Variants in CEP44 observed in about 807,000 individuals in gnomAD.
CEP44 encodes the protein centrosomal protein of 44 kDa.
CEP44 carries 45 observed loss-of-function variants against 46.7 expected under a neutral mutation model. The ratio of observed to expected loss-of-function variants is 0.96; its 90% CI spans 0.76 to 1.24. The LOEUF is 1.24. Ranked by LOEUF, CEP44 falls within the 50% of genes most tolerant of loss-of-function variation. The pLI, the probability that CEP44 is intolerant of heterozygous loss-of-function variation, is 0.00. For synonymous variants in CEP44, 142 were observed against 146.0 expected (o/e 0.97, Z 0.20); for missense variants, 475 against 459.7 (o/e 1.03, Z -0.30).
rs1007042893 is a variant in CEP44 at position 174,294,033 on chromosome 4, A to G, written c.-147-3933A>G. 4.8e-4 allele frequency among the ~76,000 whole-genome samples: 72 copies of G among 149,862 alleles called. 1 individual carries two copies. The highest frequency in any genetic ancestry group is 1.9e-4 in the Non-Finnish European group (13 of 67,676). ...TTTGAGCCTCTTCATATTATTTACA[A>G]TCCATATATCCTCTTTTTTTTTTTT... On this transcript the variant is annotated intron_variant, in intron 1 of 11. Coordinates refer to ENST00000503780, the MANE Select transcript of CEP44 (RefSeq NM_001040157.3).
chr4:174,303,262 GTGTTTTTTT>G (rs527471450), intron 4 of CEP44, among the ~76,000 whole-genome samples: 12,246 of 151,982 alleles, frequency 0.081, 613 homozygotes, highest in South Asian at 0.22. Flanking sequence ...CTGATCTAGT[GTGTTTTTTT>G]TCATTTTACA....
intron 1 of CEP44, chr4:174,285,449 T>C (rs1323679766): frequency 6.6e-6 from 1 of 152,176 alleles, no homozygotes; most frequent in Non-Finnish European, 1.5e-5. Flanking sequence ...CTTGTATTAC[T>C]CTTCAAAATA....
chr4:174,321,690 C>A (rs1480946651), downstream of CEP44, among the ~76,000 whole-genome samples: 1 of 152,022 alleles, frequency 6.6e-6, no homozygotes, highest in Non-Finnish European at 1.5e-5. Context: ...ATATGGAAAG[C>A]AATTATTAGA....
At chr4:174,321,033 G>C (rs1232024901), downstream of CEP44, among the ~76,000 whole-genome samples, 1 of 152,002 alleles carries the variant, frequency 6.6e-6, no homozygotes, top group South Asian at 2.1e-4. Flanking sequence ...CTGAGAGATA[G>C]CAAAAAGATA....
In CEP44 at chr4:174,310,067, C is replaced by T; in HGVS notation, c.885+11C>T. On this transcript the variant is annotated intron_variant, in intron 8 of 11. Coordinates refer to ENST00000503780, the MANE Select transcript of CEP44 (RefSeq NM_001040157.3). This position sits in a 1 kb window ranked among gnomAD's most constrained non-coding sequence, Gnocchi z 4.2. Reference sequence around the variant, plus strand: ...CTTTTGTCTAAAAAGGTATTTTCCTCCTTTAACATTTATAAAATATCTCAG... The same window carrying T: ...CTTTTGTCTAAAAAGGTATTTTCCTTCTTTAACATTTATAAAATATCTCAG... 1 of 1,598,910 alleles carries T rather than the reference C, an allele frequency of 6.3e-7. No homozygotes were observed. Among genetic ancestry groups the T allele is most frequent in the Non-Finnish European group, 8.5e-7 (1 of 1,174,034 alleles).
rs192241939 is a variant in CEP44 at position 174,307,433 on chromosome 4, T to C, written c.508-1256T>C. 1.1e-3 allele frequency among the ~76,000 whole-genome samples: 171 copies of C among 152,232 alleles called. 2 individuals carry two copies. The East Asian group carries it at 0.026, about 23-fold the overall frequency. On this transcript the variant is annotated intron_variant, in intron 6 of 11. Coordinates refer to ENST00000503780, the MANE Select transcript of CEP44 (RefSeq NM_001040157.3). ...TATGCAGAAGATTGAAACTAGACCC[T>C]TTCCTTACACCATACACAAAAATCA...
chr4:174,326,752 TA>T lies in CEP44; in HGVS notation c.1087-4729del, dbSNP rs1742696871. Among the ~76,000 whole-genome samples the T allele has an allele frequency of 6.6e-6, 1 of 152,072 alleles. No individual in the cohort carries two copies. Among genetic ancestry groups the T allele is most frequent in the African/African-American group, 2.4e-5 (1 of 41,452 alleles). On this transcript the variant is annotated intron_variant, in intron 8 of 8. Coordinates refer to the CEP44 transcript ENST00000426172. This position sits in a 1 kb window ranked among gnomAD's most constrained non-coding sequence, Gnocchi z 4.8. ...CATTTTCAAATGAAGGATACAATTTTAGGTGAATAGGGATTTTTGGTTTTTT... is the reference window on the plus strand; with the variant it reads ...CATTTTCAAATGAAGGATACAATTTTGGTGAATAGGGATTTTTGGTTTTTT...
Position 174,316,538 on chromosome 4 carries a change from A to C in CEP44, c.1095A>C (p.Thr365=), listed in dbSNP as rs754674695. 2 of 1,587,930 alleles carry C rather than the reference A, an allele frequency of 1.3e-6. No homozygotes were observed. The highest frequency in any genetic ancestry group is 1.7e-6 in the Non-Finnish European group (2 of 1,165,968). ...CGLNEISEET[T]IQKMERMKKM... The stretch of plus-strand genomic sequence containing the variant: ...TGCTTTTTAAATTAAAGGAAACAAC[A>C]ATCCAGAAAATGGAAAGGATGAAAA... The change falls in exon 11 of 12, where the codon ACA becomes ACC. Residue 365 remains threonine (T), a synonymous_variant. Transcript: ENST00000503780.
At position 174,309,859 on chromosome 4, in the gene CEP44, G is replaced by T; in HGVS notation, c.688G>T (p.Val230Phe). 1 of 1,599,940 alleles carries T rather than the reference G, an allele frequency of 6.3e-7. No individual in the cohort carries two copies. Among genetic ancestry groups the T allele is most frequent in the Non-Finnish European group, 8.6e-7 (1 of 1,168,854 alleles). ...EIKAEQQDVN[V>F]NPEITALQTM... The stretch of plus-strand genomic sequence containing the variant: ...TCTCTAACCTTTTTAGGATGTAAAT[G>T]TTAATCCTGAGATTACTGCACTACA... The change falls in exon 8 of 12, where the codon GTT becomes TTT. Residue 230 changes from valine (V) to phenylalanine (F), a missense_variant. Val to Phe is a conservative substitution (Grantham distance 50). Coordinates refer to ENST00000503780, the MANE Select transcript of CEP44 (RefSeq NM_001040157.3). The surrounding 1 kb of genome is among the most constrained non-coding windows in gnomAD (Gnocchi z 5.3).
In CEP44 at chr4:174,309,693, G is replaced by A. The variant is rs1440560722; in HGVS notation, c.679-157G>A. Among the ~76,000 whole-genome samples the A allele has an allele frequency of 6.6e-6, 1 of 151,756 alleles. No homozygotes were observed. Among genetic ancestry groups the A allele is most frequent in the Non-Finnish European group, 1.5e-5 (1 of 67,892 alleles). On this transcript the variant is annotated intron_variant, in intron 7 of 11. Coordinates refer to ENST00000503780, the MANE Select transcript of CEP44 (RefSeq NM_001040157.3). The surrounding 1 kb of genome is among the most constrained non-coding windows in gnomAD (Gnocchi z 5.3). ...ATCATAAATCTCAGAACTGGTTTAA[G>A]TGGCCAAGTAGTCTCCATCCAGAGA...
At chr4:174,323,729 G>T (rs868072901), downstream of CEP44, among the ~76,000 whole-genome samples, 1 of 152,110 alleles carries the variant, frequency 6.6e-6, no homozygotes, top group Non-Finnish European at 1.5e-5. Context: ...ATCCACGTTC[G>T]CAAGATGGTG....
Position 174,331,811 on chromosome 4 carries a change from A to C in CEP44, c.*216A>C, listed in dbSNP as rs1731331607. On this transcript the variant is annotated 3_prime_UTR_variant, in exon 9 of 9. Coordinates refer to the CEP44 transcript ENST00000426172. The surrounding 1 kb of genome is among the most constrained non-coding windows in gnomAD (Gnocchi z 4.5). The stretch of plus-strand genomic sequence containing the variant: ...TTTCTATTTTCCAGAAATTTCTCAA[A>C]ATGTCTGCTGATAGCCCCTCACTCA... 5.8e-6 allele frequency: 3 copies of C among 518,914 alleles called. No homozygotes were observed. The highest frequency in any genetic ancestry group is 1.9e-5 in the African/African-American group (1 of 51,780). The allele number at this position is 518,914 out of a possible 1,614,324, so 32.1% of individuals were successfully genotyped here.
rs1742022737 is a variant in CEP44, at chr4:174,318,844, C to G, written c.*1461C>G. The G allele has an allele frequency of 1.6e-5, 9 of 547,666 alleles. No homozygotes were observed. In the South Asian group the frequency reaches 2.5e-4, roughly 16 times the overall value. 33.9% of individuals were successfully genotyped at this position (547,666 alleles called of 1,614,324 possible). On this transcript the variant is annotated 3_prime_UTR_variant, in exon 12 of 12. Transcript: ENST00000503780. The stretch of plus-strand genomic sequence containing the variant: ...TTTCTTTTTGAAACAGGGTCTCACT[C>G]TATTGCCCAGGCTGGAGTGCACTGG...
chr4:174,323,461 T>G (rs574343437), downstream of CEP44, among the ~76,000 whole-genome samples: 94 of 152,288 alleles, frequency 6.2e-4, 1 homozygote, highest in African/African-American at 2.1e-3. Flanking sequence ...CCAGGCACAT[T>G]CTGCCCATCC....
At position 174,310,252 on chromosome 4, in the gene CEP44, G is replaced by A. The variant is rs1740928445; in HGVS notation, c.885+196G>A. Among the ~76,000 whole-genome samples, 1 of 151,896 alleles carries A rather than the reference G, an allele frequency of 6.6e-6. No individual in the cohort carries two copies. Among genetic ancestry groups the A allele is most frequent in the African/African-American group, 2.4e-5 (1 of 41,406 alleles). On this transcript the variant is annotated intron_variant, in intron 8 of 11. Coordinates refer to ENST00000503780, the MANE Select transcript of CEP44 (RefSeq NM_001040157.3). The surrounding 1 kb of genome is among the most constrained non-coding windows in gnomAD (Gnocchi z 4.2). ...TGTTGTTTCTCTCTTCATTGAATAA[G>A]ATAATCTGAAAAACTTGTCAGTTGA...
rs753999371 is a variant in CEP44 at position 174,309,883 on chromosome 4, C to T, written c.712C>T (p.Gln238Ter). 9.9e-6 allele frequency: 16 copies of T among 1,611,388 alleles called. No homozygotes were observed. The highest frequency in any genetic ancestry group is 1.4e-5 in the Non-Finnish European group (16 of 1,178,190). Residue 238 changes from glutamine (Q) to a stop codon, truncating the protein, a stop_gained, in exon 8 of 12, where the codon CAA becomes TAA. Coordinates refer to ENST00000503780, the MANE Select transcript of CEP44 (RefSeq NM_001040157.3). LOFTEE classifies it high-confidence loss of function. This position sits in a 1 kb window ranked among gnomAD's most constrained non-coding sequence, Gnocchi z 5.3. ...VNVNPEITAL[Q>*]TMLAECQENL... ...TGTTAATCCTGAGATTACTGCACTACAAACTATGCTTGCTGAATGCCAAGA... is the reference window on the plus strand; with the variant it reads ...TGTTAATCCTGAGATTACTGCACTATAAACTATGCTTGCTGAATGCCAAGA...
chr4:174,291,697 G>A (rs1242388601), intron 1 of CEP44, among the ~76,000 whole-genome samples: 1 of 148,566 alleles, frequency 6.7e-6, no homozygotes, highest in African/African-American at 2.5e-5. Flanking sequence ...AGCATTTCTT[G>A]TTAGGGCATG....
At position 174,308,735 on chromosome 4, in the gene CEP44, A is replaced by G; in HGVS notation, c.554A>G (p.Asp185Gly). Residue 185 changes from aspartate to glycine, a missense_variant, in exon 7 of 12, where the codon GAC becomes GGC. Physicochemically the swap from Asp to Gly is moderately conservative, Grantham distance 94. Coordinates refer to ENST00000503780, the MANE Select transcript of CEP44 (RefSeq NM_001040157.3). ...IRHLYNEDNV[D>G]ISEDTLSPIT... ...CACTTGTATAATGAAGATAATGTTG[A>G]CATTTCTGAGGATACATTAAGTCCA... 6.2e-7 allele frequency: 1 copy of G among 1,612,874 alleles called. No individual in the cohort carries two copies. Among genetic ancestry groups the G allele is most frequent in the Non-Finnish European group, 8.5e-7 (1 of 1,179,106 alleles).
downstream of CEP44, among the ~76,000 whole-genome samples, chr4:174,323,549 G>C (rs1742459616): frequency 6.6e-6 from 1 of 152,132 alleles, no homozygotes; most frequent in Non-Finnish European, 1.5e-5. Context: ...AAGTGAGGAG[G>C]TGGGATAACA....
Sources: allele counts gnomAD v4.1 joint callset (sites outside exome capture counted in the v4.1 genomes callset), GRCh38; gene constraint gnomAD v4.1.1; non-coding constraint Gnocchi (gnomAD v3.1); transcripts MANE v1.5; gene names NCBI Gene and HGNC (gene_info 2026-07-23, HGNC 2026-07-21).